ZNF599: variants seen among roughly 807,000 people sequenced by gnomAD.
ZNF599 encodes zinc finger protein 599.
ZNF599 carries 10 observed loss-of-function variants against 11.7 expected under a neutral mutation model. The observed-to-expected ratio is 0.86, with a 90% CI of 0.53 to 1.45. The LOEUF is 1.45. Among genes scored for constraint, ZNF599 ranks in the 40% most tolerant of loss-of-function variants. The probability of loss-of-function intolerance (pLI) is 0.00; values close to 1 mark genes in which losing one functional copy is unlikely to be tolerated. For synonymous variants in ZNF599, 232 were observed against 253.2 expected (o/e 0.92, Z 0.79); for missense variants, 688 against 713.6 (o/e 0.96, Z 0.41).
At chr19:34,787,685 A>G in the ZNF599 span, among the ~76,000 whole-genome samples, 1 of 152,190 alleles carries the variant, frequency 6.6e-6, no homozygotes, top group Admixed American at 6.5e-5. Flanking sequence ...TTGACTATGA[A>G]ATGGCACAGC....
chr19:34,800,602 TTTTC>T, the ZNF599 span, among the ~76,000 whole-genome samples: 1 of 147,516 alleles, frequency 6.8e-6, no homozygotes, highest in East Asian at 2.0e-4. Flanking sequence ...TTTTTTTTTT[TTTTC>T]TTTTTTTGAG....
the ZNF599 span, among the ~76,000 whole-genome samples, chr19:34,792,746 C>T: frequency 3.3e-5 from 5 of 151,988 alleles, no homozygotes; most frequent in Admixed American, 3.3e-4. Flanking sequence ...GCCTGTAGTC[C>T]CAGCTACTCG....
rs1305836492 is a variant in ZNF599, at chr19:34,759,094, T to C, written c.1707A>G (p.Gly569=). 7 of 1,614,044 alleles carry C rather than the reference T, an allele frequency of 4.3e-6. No individual in the cohort carries two copies. The Admixed American group carries it at 6.7e-5, about 15-fold the overall frequency. The change falls in exon 4 of 4, where the codon GGA becomes GGG. Residue 569 remains glycine (G), a synonymous_variant. Transcript: ENST00000329285. ...GEKPFECNEC[G]KTFSHSSSFT... is the part of the protein sequence containing the mutation. ...ACGATGAACTGTGGCTGAAGGTCTT[T>C]CCACATTCATTGCATTCAAAGGGTT... is the stretch of plus-strand genomic sequence containing the variant.
At position 34,758,814 on chromosome 19, in the gene ZNF599, G is replaced by A; in HGVS notation, c.*220C>T. 3.7e-6 allele frequency: 2 copies of A among 543,104 alleles called. No homozygotes were observed. Among genetic ancestry groups the A allele is most frequent in the Non-Finnish European group, 6.4e-6 (2 of 310,500 alleles). 33.6% of individuals were successfully genotyped at this position (543,104 alleles called of 1,614,324 possible). A position where few individuals can be genotyped will look rare whatever the true frequency, so the allele number is the denominator to read the frequency against. ...CAGGTACAGTGTAAGGCTCTAAACT[G>A]GGTGAATCTTTAATATAATTCTTTG... On this transcript the variant is annotated 3_prime_UTR_variant, in exon 4 of 4. Transcript: ENST00000329285.
At chr19:34,805,418 A>G in the ZNF599 span, among the ~76,000 whole-genome samples, 2 of 151,934 alleles carry the variant, frequency 1.3e-5, no homozygotes, top group African/African-American at 4.8e-5. Flanking sequence ...GGATGGTCTC[A>G]ATCTCTTGAC....
At chr19:34,804,194 C>T in the ZNF599 span, among the ~76,000 whole-genome samples, 2 of 152,248 alleles carry the variant, frequency 1.3e-5, no homozygotes, top group East Asian at 1.9e-4. Flanking sequence ...ACCACATTTG[C>T]CCCTGTGCTA....
At chr19:34,779,953 A>T in the ZNF599 span, 1 of 153,486 alleles carries the variant, frequency 6.5e-6, no homozygotes, top group Non-Finnish European at 1.4e-5. Context: ...GAGTGACCTG[A>T]TGCTGGAGAA....
At chr19:34,803,752 A>T in the ZNF599 span, among the ~76,000 whole-genome samples, 1 of 152,152 alleles carries the variant, frequency 6.6e-6, no homozygotes, top group Admixed American at 6.5e-5. Context: ...CCAAGAAATT[A>T]CCAGGAAGTC....
chr19:34,768,598 T>G (rs1019155226), intron 2 of ZNF599, among the ~76,000 whole-genome samples: 2 of 152,246 alleles, frequency 1.3e-5, no homozygotes, highest in African/African-American at 4.8e-5. Context: ...TTGCTATGTT[T>G]CCAGCTCTAT....
At chr19:34,773,481 C>T (rs181020245), upstream of ZNF599, among the ~76,000 whole-genome samples, 415 of 151,764 alleles carry the variant, frequency 2.7e-3, 5 homozygotes, top group South Asian at 0.032. Flanking sequence ...AATGTCTCTA[C>T]CAGGCAACTC....
At chr19:34,771,892 A>G (rs2069186027) in intron 1 of ZNF599, among the ~76,000 whole-genome samples, 2 of 152,130 alleles carry the variant, frequency 1.3e-5, no homozygotes, top group Admixed American at 1.3e-4. Context: ...AAGTCAGAAG[A>G]CTCTAGAAAA....
At chr19:34,793,657 G>A in the ZNF599 span, among the ~76,000 whole-genome samples, 1 of 152,188 alleles carries the variant, frequency 6.6e-6, no homozygotes, top group Non-Finnish European at 1.5e-5. Context: ...GGCCCAGGAG[G>A]GTTCTTGGTT....
At chr19:34,772,356 A>ATT in intron 1 of ZNF599, 1 of 994,484 alleles carries the variant, frequency 1.0e-6, no homozygotes, top group Non-Finnish European at 1.2e-6. Context: ...CGAGGCTCTC[A>ATT]TTCCCTCTCC....
chr19:34,777,365 T>TATTATATATTATATATTA (rs2069222227), upstream of ZNF599, among the ~76,000 whole-genome samples: 2 of 62,302 alleles, frequency 3.2e-5, no homozygotes, highest in Admixed American at 5.0e-4. Context: ...TATATTAATA[T>TATTATATATTATATATTA]ATTATATATT....
the ZNF599 span, among the ~76,000 whole-genome samples, chr19:34,807,292 G>A: frequency 1.3e-5 from 2 of 152,198 alleles, no homozygotes; most frequent in African/African-American, 4.8e-5. Flanking sequence ...AGTCCGGCGG[G>A]TGAGGGCCCA....
chr19:34,784,497 AG>A, the ZNF599 span, among the ~76,000 whole-genome samples: 1 of 152,182 alleles, frequency 6.6e-6, no homozygotes, highest in Non-Finnish European at 1.5e-5. Flanking sequence ...TGGCAAGGGC[AG>A]CGCCCAGTTC....
chr19:34,764,556 T>C (rs2069130874), intron 3 of ZNF599: 1 of 152,236 alleles, frequency 6.6e-6, no homozygotes, highest in Non-Finnish European at 1.5e-5. Context: ...TGGGTATATG[T>C]AGTCTATTCA....
At chr19:34,773,277 C>G (rs911924612), upstream of ZNF599, 1 of 180,812 alleles carries the variant, frequency 5.5e-6, no homozygotes, top group Admixed American at 6.2e-5. Context: ...GGCTTGGGGT[C>G]GGCTTCCGTC....
the ZNF599 span, among the ~76,000 whole-genome samples, chr19:34,792,282 G>A: frequency 6.6e-6 from 1 of 152,132 alleles, no homozygotes; most frequent in Non-Finnish European, 1.5e-5. Flanking sequence ...CAACCTCCCT[G>A]AACAAAAGAA....
Sources: gnomAD v4.1 joint callset for allele counts (sites outside exome capture counted in the v4.1 genomes callset) on GRCh38, gnomAD v4.1.1 for gene constraint, MANE v1.5 for transcripts, NCBI Gene and HGNC (gene_info 2026-07-23, HGNC 2026-07-21) for gene names.